KLHDC2: variants seen among roughly 807,000 people sequenced by gnomAD.
KLHDC2 encodes kelch domain containing 2, also known as kelch domain-containing protein 2.
Under a neutral mutation model 62.3 loss-of-function variants are expected in KLHDC2, and 38 were observed. That is an observed-to-expected ratio of 0.61 (90% CI 0.47 to 0.80). KLHDC2 has a LOEUF of 0.80. KLHDC2 is among the 30% of genes least tolerant of loss of function. KLHDC2 has a pLI of 0.00. For synonymous variants in KLHDC2, 159 were observed against 161.0 expected, an observed-to-expected ratio of 0.99 and a Z score of 0.09; for missense variants, 430 against 495.3, an observed-to-expected ratio of 0.87 and a Z score of 1.25.
rs143849307 is a variant in KLHDC2, at chr14:49,780,214, A to G, written c.775A>G (p.Ile259Val). The stretch of plus-strand genomic sequence containing the variant: ...TTGTAACTTAGCTATTATTTTCAGA[A>G]TTCCACAAGGCATATGCCCAGTTGG... ...NLDTWEWNEL[I>V]PQGICPVGRS... Residue 259 changes from isoleucine (I) to valine (V), a missense_variant and splice_region_variant, in exon 9 of 13, where the codon ATT (isoleucine) becomes GTT (valine). Coordinates refer to ENST00000298307, the MANE Select transcript of KLHDC2 (RefSeq NM_014315.3). The G allele has an allele frequency of 9.7e-5, 154 of 1,590,170 alleles. 1 individual carries two copies. In the African/African-American group the frequency reaches 1.7e-3, roughly 17 times the overall value.
chr14:49,783,633 TCTTTAGTGGTAAGC>T lies in KLHDC2; in HGVS notation c.*683_*696del, dbSNP rs376714189. 6.6e-6 allele frequency: 1 copy of T among 152,016 alleles called. No individual in the cohort carries two copies. 9.4% of individuals were successfully genotyped at this position (152,016 alleles called of 1,614,324 possible). A position where few individuals can be genotyped will look rare whatever the true frequency, so the allele number is the denominator to read the frequency against. On this transcript the variant is annotated 3_prime_UTR_variant, in exon 13 of 13. Coordinates refer to ENST00000298307, the MANE Select transcript of KLHDC2 (RefSeq NM_014315.3). The stretch of plus-strand genomic sequence containing the variant: ...GAGACAGAGGAAAAGTGGGTTAGAG[TCTTTAGTGGTAAGC>T]CTAAAATGCGCTTCTGGTATTATAG...
chr14:49,780,018 GA>G, intron 8 of KLHDC2, 194 bp from the exon 9 acceptor site: 1 of 616,462 alleles, frequency 1.6e-6, no homozygotes. Context: ...AGTGTTTGTT[GA>G]AAGGAAAAGG....
chr14:49,780,147 A>T (rs972859743), intron 8 of KLHDC2, 66 bp from the exon 9 acceptor site: 1 of 1,064,552 alleles, frequency 9.4e-7, no homozygotes, highest in Non-Finnish European at 1.4e-6. Flanking sequence ...TAAATTTTAA[A>T]AGAAAACTTA....
chr14:49,778,570 G>A (rs1201045526), intron 6 of KLHDC2, 76 bp downstream of exon 6: 5 of 669,960 alleles, frequency 7.5e-6, no homozygotes, highest in Non-Finnish European at 1.3e-5. Context: ...GGAGAGGGGT[G>A]CACCAGAGTT....
chr14:49,780,838 AT>A, intron 10 of KLHDC2, 63 bp downstream of exon 10: 3 of 875,376 alleles, frequency 3.4e-6, no homozygotes, highest in Non-Finnish European at 5.9e-6. Context: ...TTTTGGCTGC[AT>A]TATATCCAGC....
At chr14:49,770,617 G>A (rs1889643568) in intron 1 of KLHDC2, among the ~76,000 whole-genome samples, 1 of 152,148 alleles carries the variant, frequency 6.6e-6, no homozygotes, top group Non-Finnish European at 1.5e-5. Context: ...TAGAATCCTG[G>A]CTCCATCATT....
In KLHDC2 at chr14:49,784,784, G is replaced by T; in HGVS notation, c.*1831G>T. Reference sequence around the variant, plus strand: ...ATCATGTTTCTTTTATGACAAAAACGAAAAACATTTCCAAACTTTTAGCTG... The same window carrying T: ...ATCATGTTTCTTTTATGACAAAAACTAAAAACATTTCCAAACTTTTAGCTG... On this transcript the variant is annotated 3_prime_UTR_variant, in exon 13 of 13. Coordinates refer to ENST00000298307, the MANE Select transcript of KLHDC2 (RefSeq NM_014315.3). 1 of 1,477,084 alleles carries T rather than the reference G, an allele frequency of 6.8e-7. No individual in the cohort carries two copies. The highest frequency in any genetic ancestry group is 1.2e-5 in the South Asian group (1 of 84,024). 91.5% of individuals were successfully genotyped at this position (1,477,084 alleles called of 1,614,324 possible).
At chr14:49,778,321 A>G in intron 5 of KLHDC2, 62 bp downstream of exon 5, 1 of 1,355,050 alleles carries the variant, frequency 7.4e-7, no homozygotes, top group East Asian at 2.3e-5. Context: ...ACATTTTATA[A>G]GTTTTGTGCA....
chr14:49,768,763 G>GT, intron 1 of KLHDC2, 142 bp downstream of exon 1: 1 of 755,300 alleles, frequency 1.3e-6, no homozygotes, highest in South Asian at 2.1e-5. Context: ...CTGCCCGTTG[G>GT]TTGTTTTTTT....
intron 10 of KLHDC2, among the ~76,000 whole-genome samples, chr14:49,781,452 G>A (rs1889903096): frequency 1.3e-5 from 2 of 151,648 alleles, no homozygotes; most frequent in Admixed American, 6.6e-5. Context: ...AGGTACAGTG[G>A]GATTACAGGA....
Position 49,782,611 on chromosome 14 carries a change from T to G in KLHDC2, c.1097+17T>G, listed in dbSNP as rs946541374. 1 of 1,578,040 alleles carries G rather than the reference T, an allele frequency of 6.3e-7. No homozygotes were observed. The highest frequency in any genetic ancestry group is 1.8e-5 in the Admixed American group (1 of 57,024). ...TCTTGTACGGTAAGTAACTTTGTAC[T>G]TGGCACTTAGATTATTTAAAATTGT... On this transcript the variant is annotated intron_variant, in intron 12 of 12. Transcript: ENST00000298307.
Position 49,779,673 on chromosome 14 carries a change from C to T in KLHDC2, c.712C>T (p.Arg238Ter). ...AGGCTTCGTGTTTGGAGGCAGATAT[C>T]GAGTAAGTATTCAAACGACTTCAAT... ...NRGFVFGGRY[R>*]DARMNDLHYL... The change falls in exon 7 of 13, where the codon CGA (arginine) becomes TGA (stop). Residue 238 changes from arginine to a stop codon, truncating the protein, a stop_gained and splice_region_variant. Coordinates refer to ENST00000298307, the MANE Select transcript of KLHDC2 (RefSeq NM_014315.3). LOFTEE classifies it high-confidence loss of function. The T allele has an allele frequency of 2.5e-6, 4 of 1,613,744 alleles. No individual in the cohort carries two copies. Among genetic ancestry groups the T allele is most frequent in the East Asian group, 2.2e-5 (1 of 44,870 alleles).
At chr14:49,779,505 C>G (rs1889842415) in intron 6 of KLHDC2, 90 bp from the exon 7 acceptor site, 1 of 918,518 alleles carries the variant, frequency 1.1e-6, no homozygotes, top group Non-Finnish European at 1.7e-6. Context: ...GCTCAAGTGC[C>G]TTACATATTC....
rs1167096923 is a variant in KLHDC2 at position 49,784,637 on chromosome 14, T to A, written c.*1684T>A. 9 of 1,603,382 alleles carry A rather than the reference T, an allele frequency of 5.6e-6. No homozygotes were observed. In the East Asian group the frequency reaches 2.0e-4, roughly 36 times the overall value. ...AAATATTTTAGAATTTCATTTCAGC[T>A]ATTTCCTTTTTACGTTCAGAAGATT... On this transcript the variant is annotated 3_prime_UTR_variant, in exon 13 of 13. Transcript: ENST00000298307.
Position 49,785,229 on chromosome 14 carries a change from G to A in KLHDC2, c.*2276G>A. 1.9e-6 allele frequency: 3 copies of A among 1,613,048 alleles called. No individual in the cohort carries two copies. The highest frequency in any genetic ancestry group is 2.5e-6 in the Non-Finnish European group (3 of 1,179,080). The stretch of plus-strand genomic sequence containing the variant: ...ACTAATGGTAACTTACTTGTAGTTT[G>A]TCATGGTGGTGTAAGGGGCACATAT... On this transcript the variant is annotated 3_prime_UTR_variant, in exon 13 of 13. Coordinates refer to ENST00000298307, the MANE Select transcript of KLHDC2 (RefSeq NM_014315.3).
In KLHDC2 at chr14:49,783,297, ATTT is replaced by A. The variant is rs35247807; in HGVS notation, c.*355_*357del. On this transcript the variant is annotated 3_prime_UTR_variant, in exon 13 of 13. Coordinates refer to ENST00000298307, the MANE Select transcript of KLHDC2 (RefSeq NM_014315.3). ...AAGTCATTTTTTGAAAACATTATAG[ATTT>A]TTTTTTTTTTAATGGCAAGAGTAGT... 0.99 allele frequency: 154,670 copies of A among 156,808 alleles called. 76,282 individuals carry two copies. The highest frequency in any genetic ancestry group is 0.99 in the East Asian group (5,373 of 5,402). The allele number at this position is 156,808 out of a possible 1,614,324, so 9.7% of individuals were successfully genotyped here.
chr14:49,781,330 T>A (rs1386176127), intron 10 of KLHDC2, among the ~76,000 whole-genome samples: 1 of 141,326 alleles, frequency 7.1e-6, no homozygotes, highest in African/African-American at 2.6e-5. Context: ...GATCGTGCCT[T>A]TGCACTCCAG....
At position 49,768,317 on chromosome 14, in the gene KLHDC2, G is replaced by GGC. The variant is rs1889586054; in HGVS notation, c.-152_-151insGC. The GGC allele has an allele frequency of 1.2e-6, 1 of 817,240 alleles. No homozygotes were observed. The highest frequency in any genetic ancestry group is 1.8e-6 in the Non-Finnish European group (1 of 548,416). The allele number at this position is 817,240 out of a possible 1,614,324, so 50.6% of individuals were successfully genotyped here. ...TCCTCGGCCGAGGAGGCTGGGAAAC[G>GGC]CGAGCGCAGGCGGCAGAGAGGCCTC... is the stretch of plus-strand genomic sequence containing the variant. On this transcript the variant is annotated 5_prime_UTR_variant, in exon 1 of 13. Transcript: ENST00000298307.
At chr14:49,776,392 A>G (rs924387303) in intron 3 of KLHDC2, among the ~76,000 whole-genome samples, 1 of 152,188 alleles carries the variant, frequency 6.6e-6, no homozygotes, top group African/African-American at 2.4e-5. Context: ...AGTAAAAAAT[A>G]TATAGTGGTC....
Sources: gnomAD v4.1 joint callset for allele counts (sites outside exome capture counted in the v4.1 genomes callset) on GRCh38, gnomAD v4.1.1 for gene constraint, MANE v1.5 for transcripts, NCBI Gene and HGNC (gene_info 2026-07-23, HGNC 2026-07-21) for gene names.